Variants in RBBP9 observed in about 807,000 individuals in gnomAD.
The protein encoded by RBBP9 is serine hydrolase RBBP9.
Under a neutral mutation model 24.2 loss-of-function variants are expected in RBBP9, and 20 were observed. That is an observed-to-expected ratio of 0.83 (90% CI 0.58 to 1.20). The LOEUF is 1.20. Among genes scored for constraint, RBBP9 ranks in the 50% most tolerant of loss-of-function variants. The pLI, the probability that RBBP9 is intolerant of heterozygous loss-of-function variation, is 0.00. For synonymous variants in RBBP9, 74 were observed against 84.6 expected (o/e 0.87, Z 0.69); for missense variants, 234 against 233.6 (o/e 1.00, Z -0.01).
chr20:18,494,154 G>C (rs2059875362), intron 2 of RBBP9, 91 bp from the exon 3 acceptor site: 3 of 979,710 alleles, frequency 3.1e-6, no homozygotes, highest in Non-Finnish European at 3.1e-6. Context: ...CAACTATTCA[G>C]CAGTTCACAA....
chr20:18,495,784 G>GT, intron 2 of RBBP9, 54 bp downstream of exon 2: 1 of 1,492,648 alleles, frequency 6.7e-7, no homozygotes, highest in East Asian at 2.3e-5. Flanking sequence ...CACAAAAATG[G>GT]TAATATCAAA....
At chr20:18,491,818 C>T (rs993512408) in intron 3 of RBBP9, among the ~76,000 whole-genome samples, 8 of 151,638 alleles carry the variant, frequency 5.3e-5, no homozygotes, top group African/African-American at 4.8e-5. Flanking sequence ...GCACCTAGGC[C>T]GGGCACGGTG....
At chr20:18,494,172 A>G (rs2059875438) in intron 2 of RBBP9, 109 bp from the exon 3 acceptor site, 2 of 790,302 alleles carry the variant, frequency 2.5e-6, no homozygotes, top group African/African-American at 3.4e-5. Context: ...CAACTTTTAA[A>G]ACTGCAGGAC....
In RBBP9 at chr20:18,497,225, C is replaced by T; in HGVS notation, c.-58G>A. The T allele has an allele frequency of 7.0e-7, 1 of 1,429,622 alleles. No homozygotes were observed. Among genetic ancestry groups the T allele is most frequent in the Non-Finnish European group, 9.8e-7 (1 of 1,019,878 alleles). The allele number at this position is 1,429,622 out of a possible 1,614,324, so 88.6% of individuals were successfully genotyped here. ...GTCCAGCGGAGCTGAGCCCAGCCTG[C>T]TCCCGCAGGGAGCCTGCGCCGCGGC... On this transcript the variant is annotated 5_prime_UTR_variant, in exon 1 of 5. Coordinates refer to ENST00000337227, the MANE Select transcript of RBBP9 (RefSeq NM_006606.3).
intron 3 of RBBP9, among the ~76,000 whole-genome samples, chr20:18,492,517 TC>T (rs2148873759): frequency 6.6e-6 from 1 of 152,330 alleles, no homozygotes; most frequent in South Asian, 2.1e-4. Context: ...TGATGCTGTG[TC>T]CTTCCCATGC....
chr20:18,494,169 T>A, intron 2 of RBBP9, 106 bp from the exon 3 acceptor site: 1 of 813,758 alleles, frequency 1.2e-6, no homozygotes, highest in Non-Finnish European at 2.0e-6. Flanking sequence ...TCACAACTTT[T>A]AAAACTGCAG....
At chr20:18,491,410 A>C (rs1490674594) in intron 3 of RBBP9, among the ~76,000 whole-genome samples, 1 of 152,210 alleles carries the variant, frequency 6.6e-6, no homozygotes, top group Non-Finnish European at 1.5e-5. Flanking sequence ...GTAGACACCC[A>C]GCTAACTCTT....
rs1339387688 is a variant in RBBP9, at chr20:18,488,125, G to A, written c.*1639C>T. On this transcript the variant is annotated 3_prime_UTR_variant, in exon 5 of 5. Coordinates refer to ENST00000337227, the MANE Select transcript of RBBP9 (RefSeq NM_006606.3). ...TCTGAATCTCCTTTAGGTATGAAGT[G>A]TAGGAAATTGTATTTCTGCAGCAAA... is the stretch of plus-strand genomic sequence containing the variant. 6.6e-6 allele frequency: 1 copy of A among 152,232 alleles called. No homozygotes were observed. Among genetic ancestry groups the A allele is most frequent in the Non-Finnish European group, 1.5e-5 (1 of 68,014 alleles). The allele number at this position is 152,232 out of a possible 1,614,324, so 9.4% of individuals were successfully genotyped here.
chr20:18,496,562 G>C (rs1457391091), intron 1 of RBBP9, among the ~76,000 whole-genome samples: 1 of 152,112 alleles, frequency 6.6e-6, no homozygotes, highest in African/African-American at 2.4e-5. Flanking sequence ...AATTCAGGAT[G>C]GCACGGGACT....
At chr20:18,494,125 GC>G in intron 2 of RBBP9, 62 bp from the exon 3 acceptor site, 1 of 1,323,600 alleles carries the variant, frequency 7.6e-7, no homozygotes, top group Non-Finnish European at 1.1e-6. Context: ...ATCCAACGCT[GC>G]CCCACCTTTC....
Position 18,494,058 on chromosome 20 carries a change from C to A in RBBP9, c.148G>T (p.Ala50Ser). Reference protein sequence around the residue: ...LAKNMPDPITARESIWLPFME... With the variant: ...LAKNMPDPITSRESIWLPFME... ...AAGGGCAGCCAGATGCTCTCTCGTG[C>A]TGTAACTTAAGGTTCAGGGTAAAGA... Residue 50 changes from alanine to serine, a missense_variant, in exon 3 of 5, where the codon GCA (alanine) becomes TCA (serine). Ala to Ser is a moderately conservative substitution (Grantham distance 99). Transcript: ENST00000337227. 1 of 1,613,178 alleles carries A rather than the reference C, an allele frequency of 6.2e-7. No individual in the cohort carries two copies. Among genetic ancestry groups the A allele is most frequent in the South Asian group, 1.1e-5 (1 of 90,988 alleles).
intron 2 of RBBP9, among the ~76,000 whole-genome samples, chr20:18,494,940 A>G (rs1209087908): frequency 1.3e-5 from 2 of 152,178 alleles, no homozygotes; most frequent in East Asian, 3.8e-4. Flanking sequence ...TGAAAATTAA[A>G]TTTTACCATG....
chr20:18,490,044 A>G (rs986052718), intron 4 of RBBP9, 54 bp from the exon 5 acceptor site: 1 of 1,277,552 alleles, frequency 7.8e-7, no homozygotes, highest in Non-Finnish European at 1.1e-6. Flanking sequence ...TCCCTTCTAG[A>G]TATTCTAAAA....
At chr20:18,492,708 C>T (rs537661882) in intron 3 of RBBP9, among the ~76,000 whole-genome samples, 5 of 152,190 alleles carry the variant, frequency 3.3e-5, no homozygotes, top group Non-Finnish European at 5.9e-5. Context: ...ACAACCTTAA[C>T]CCAATCGTTT....
In RBBP9 at chr20:18,490,431, T is replaced by G; in HGVS notation, c.298A>C (p.Thr100Pro). The change falls in exon 4 of 5, where the codon ACA becomes CCA. Residue 100 changes from threonine to proline, a missense_variant. Physicochemically the swap from Thr to Pro is conservative, Grantham distance 38 (BLOSUM62 -1). Coordinates refer to ENST00000337227, the MANE Select transcript of RBBP9 (RefSeq NM_006606.3). ...TCATTTTCATCCCCCAAGTCTGATGTGTACGCAGACACTAATACAATAGCA... is the reference window on the plus strand; with the variant it reads ...TCATTTTCATCCCCCAAGTCTGATGGGTACGCAGACACTAATACAATAGCA... ...VYAIVLVSAY[T>P]SDLGDENERA... 6.2e-7 allele frequency: 1 copy of G among 1,613,994 alleles called. No individual in the cohort carries two copies. Among genetic ancestry groups the G allele is most frequent in the Non-Finnish European group, 8.5e-7 (1 of 1,179,866 alleles).
intron 2 of RBBP9, 94 bp from the exon 3 acceptor site, chr20:18,494,157 G>T (rs773256964): frequency 1.3e-5 from 12 of 945,572 alleles, no homozygotes; most frequent in Non-Finnish European, 2.0e-5. Flanking sequence ...CTATTCAGCA[G>T]TTCACAACTT....
At position 18,487,629 on chromosome 20, in the gene RBBP9, G is replaced by GT. The variant is rs1197567138; in HGVS notation, c.*2134dup. 3 of 152,130 alleles carry GT rather than the reference G, an allele frequency of 2.0e-5. No individual in the cohort carries two copies. Among genetic ancestry groups the GT allele is most frequent in the Non-Finnish European group, 4.4e-5 (3 of 68,038 alleles). The allele number at this position is 152,130 out of a possible 1,614,324, so 9.4% of individuals were successfully genotyped here. Reference sequence around the variant, plus strand: ...TTTGATTATAAAATACATGCTTAGTGTAACAAATTCAAATAATCAGGAGGA... The same window carrying GT: ...TTTGATTATAAAATACATGCTTAGTGTTAACAAATTCAAATAATCAGGAGGA... On this transcript the variant is annotated 3_prime_UTR_variant, in exon 5 of 5. Coordinates refer to ENST00000337227, the MANE Select transcript of RBBP9 (RefSeq NM_006606.3).
At chr20:18,495,791 C>A in intron 2 of RBBP9, 47 bp downstream of exon 2, 2 of 1,516,598 alleles carry the variant, frequency 1.3e-6, no homozygotes, top group Non-Finnish European at 9.2e-7. Context: ...ATGGTAATAT[C>A]AAAACCCAAC....
chr20:18,494,398 G>T (rs2059877082), intron 2 of RBBP9, among the ~76,000 whole-genome samples: 1 of 150,548 alleles, frequency 6.6e-6, no homozygotes, highest in Admixed American at 6.7e-5. Flanking sequence ...AAAGCTAATG[G>T]TCAGGTGCAG....
Sources: allele counts gnomAD v4.1 joint callset (sites outside exome capture counted in the v4.1 genomes callset), GRCh38; gene constraint gnomAD v4.1.1; transcripts MANE v1.5; gene names NCBI Gene and HGNC (gene_info 2026-07-23, HGNC 2026-07-21).